Variants in ATP11A observed in about 807,000 individuals in gnomAD.
ATP11A encodes the protein ATPase phospholipid transporting 11A.
Under a neutral mutation model 154.4 loss-of-function variants are expected in ATP11A, and 81 were observed. The ratio of observed to expected loss-of-function variants is 0.52; its 90% CI spans 0.44 to 0.63. ATP11A has a LOEUF of 0.63. Among genes scored for constraint, ATP11A ranks in the 30% least tolerant of loss-of-function variants. ATP11A has a pLI of 0.00. For synonymous variants in ATP11A, 623 were observed against 585.9 expected, an observed-to-expected ratio of 1.06 and a Z score of -0.91; for missense variants, 1,316 against 1,474.3, an observed-to-expected ratio of 0.89 and a Z score of 1.76.
At position 112,785,307 on chromosome 13, in the gene ATP11A, C is replaced by T. The variant is rs986016196; in HGVS notation, c.162+50C>T. The T allele has an allele frequency of 7.2e-7, 1 of 1,380,762 alleles. No individual in the cohort carries two copies. The highest frequency in any genetic ancestry group is 9.5e-7 in the Non-Finnish European group (1 of 1,056,554). 85.5% of individuals were successfully genotyped at this position (1,380,762 alleles called of 1,614,324 possible). A position where few individuals can be genotyped will look rare whatever the true frequency, so the allele number is the denominator to read the frequency against. Reference sequence around the variant, plus strand: ...CCATAATGTGTCTAAAAAGCAGCTGCCGGGGGGTGTTAGTGCTTCTCGGTT... The same window carrying T: ...CCATAATGTGTCTAAAAAGCAGCTGTCGGGGGGTGTTAGTGCTTCTCGGTT... On this transcript the variant is annotated intron_variant, in intron 2 of 29. Coordinates refer to ENST00000375645, the MANE Select transcript of ATP11A (RefSeq NM_015205.3). The surrounding 1 kb of genome is among the most constrained non-coding windows in gnomAD (Gnocchi z 4.8).
chr13:112,864,708 A>G lies in ATP11A; in HGVS notation c.2991+2133A>G, dbSNP rs1301320159. On this transcript the variant is annotated intron_variant, in intron 25 of 29. Coordinates refer to ENST00000375645, the MANE Select transcript of ATP11A (RefSeq NM_015205.3). ...CAGCGGGGTCCATCACCACCTGCGC[A>G]GTAATTCAGTGCAGCACGTGCAGCT... is the stretch of plus-strand genomic sequence containing the variant. 3.0e-5 allele frequency among the ~76,000 whole-genome samples: 2 copies of G among 67,660 alleles called. 1 individual carries two copies. The highest frequency in any genetic ancestry group is 4.8e-5 in the Non-Finnish European group (2 of 41,478). 44.4% of individuals were successfully genotyped at this position (67,660 alleles called of 152,430 possible).
intron 1 of ATP11A, among the ~76,000 whole-genome samples, chr13:112,695,294 A>G (rs996363249): frequency 2.0e-5 from 3 of 152,228 alleles, no homozygotes; most frequent in Non-Finnish European, 2.9e-5. Context: ...TGTGGTGGCA[A>G]GCCTGCAGTA....
intron 25 of ATP11A, among the ~76,000 whole-genome samples, chr13:112,871,180 C>T (rs531336022): frequency 1.3e-5 from 2 of 152,282 alleles, no homozygotes; most frequent in African/African-American, 4.8e-5. Context: ...CAGAACGTTC[C>T]CGCCGCTGTT....
At chr13:112,839,192 T>C (rs1253851138) in intron 16 of ATP11A, among the ~76,000 whole-genome samples, 3 of 152,124 alleles carry the variant, frequency 2.0e-5, no homozygotes, top group African/African-American at 7.2e-5. Context: ...AAATCTCTCT[T>C]TTGGGGGATC....
intron 1 of ATP11A, among the ~76,000 whole-genome samples, chr13:112,712,003 C>G (rs182988824): frequency 6.6e-6 from 1 of 152,196 alleles, no homozygotes; most frequent in African/African-American, 2.4e-5. Flanking sequence ...TGGGTAGCAA[C>G]GTGCTGAACC....
rs1346617662 is a variant in ATP11A, at chr13:112,859,996, T to C, written c.2728-291T>C. 6.6e-6 allele frequency among the ~76,000 whole-genome samples: 1 copy of C among 152,092 alleles called. No individual in the cohort carries two copies. The highest frequency in any genetic ancestry group is 1.5e-5 in the Non-Finnish European group (1 of 68,016). On this transcript the variant is annotated intron_variant, in intron 23 of 29. Coordinates refer to ENST00000375645, the MANE Select transcript of ATP11A (RefSeq NM_015205.3). The surrounding 1 kb of genome is among the most constrained non-coding windows in gnomAD (Gnocchi z 4.3). ...GACTGCGACCAGAGTCACTGAAGCT[T>C]GAAGATGGCAATCAGAATTGCAAAT...
chr13:112,712,942 CAG>C (rs1887935984), intron 1 of ATP11A, among the ~76,000 whole-genome samples: 1 of 152,348 alleles, frequency 6.6e-6, no homozygotes, highest in South Asian at 2.1e-4. Flanking sequence ...TGCTGGAACT[CAG>C]TGTCTGAGGA....
intron 2 of ATP11A, among the ~76,000 whole-genome samples, chr13:112,787,361 C>T (rs1271741481): frequency 1.6e-5 from 2 of 126,816 alleles, no homozygotes; most frequent in East Asian, 2.4e-4. Flanking sequence ...TGTCCTGATG[C>T]GTAGACTCCT....
intron 24 of ATP11A, among the ~76,000 whole-genome samples, chr13:112,861,622 G>A (rs558060872): frequency 1.6e-4 from 24 of 152,364 alleles, no homozygotes; most frequent in African/African-American, 4.3e-4. Flanking sequence ...GCAGGAATCC[G>A]TGCATCGGCC....
chr13:112,733,527 G>A (rs941015579), intron 1 of ATP11A, among the ~76,000 whole-genome samples: 2 of 152,212 alleles, frequency 1.3e-5, no homozygotes, highest in South Asian at 4.1e-4. Flanking sequence ...TAAGAGTTGA[G>A]CTGTTGAGCC....
chr13:112,834,139 G>T (rs1373364395), intron 14 of ATP11A, among the ~76,000 whole-genome samples: 2 of 152,246 alleles, frequency 1.3e-5, no homozygotes, highest in Non-Finnish European at 2.9e-5. Flanking sequence ...GAAGGCCTGC[G>T]CTGGACCTTC....
At chr13:112,752,087 T>G (rs997980063) in intron 1 of ATP11A, among the ~76,000 whole-genome samples, 25 of 152,204 alleles carry the variant, frequency 1.6e-4, no homozygotes, top group African/African-American at 5.3e-4. Context: ...GGTCTAGTAT[T>G]GGTCATTCAT....
intron 25 of ATP11A, among the ~76,000 whole-genome samples, chr13:112,870,916 C>G (rs1053497188): frequency 1.3e-5 from 2 of 152,198 alleles, no homozygotes; most frequent in Non-Finnish European, 2.9e-5. Context: ...GCACGCGGTC[C>G]TCACGGGTGT....
intron 1 of ATP11A, among the ~76,000 whole-genome samples, chr13:112,705,404 C>T (rs567834161): frequency 2.9e-5 from 4 of 136,306 alleles, no homozygotes; most frequent in East Asian, 1.9e-4. Flanking sequence ...ATGTTCATCC[C>T]GCACGCACTG....
chr13:112,844,585 A>C (rs1191689047), intron 17 of ATP11A, among the ~76,000 whole-genome samples: 1 of 152,186 alleles, frequency 6.6e-6, no homozygotes, highest in Non-Finnish European at 1.5e-5. Flanking sequence ...CAGAATCACA[A>C]AAGGCGGCTG....
intron 1 of ATP11A, among the ~76,000 whole-genome samples, chr13:112,705,425 G>A (rs1266809672): frequency 7.3e-6 from 1 of 136,550 alleles, no homozygotes; most frequent in African/African-American, 3.7e-5. Flanking sequence ...AGCAGCTGCT[G>A]TATGCGCTGA....
In ATP11A at chr13:112,746,327, G is replaced by C. The variant is rs539788484; in HGVS notation, c.40-38808G>C. The C allele has an allele frequency of 2.0e-5, 3 of 152,134 alleles. No homozygotes were observed. Among genetic ancestry groups the C allele is most frequent in the Admixed American group, 2.0e-4 (3 of 15,278 alleles). 9.4% of individuals were successfully genotyped at this position (152,134 alleles called of 1,614,324 possible). Reference sequence around the variant, plus strand: ...AGTGCACAGGGCTCCGGTTCCCCACGTCCTCACCGGGTAACTGGGGTTCCG... The same window carrying C: ...AGTGCACAGGGCTCCGGTTCCCCACCTCCTCACCGGGTAACTGGGGTTCCG... On this transcript the variant is annotated intron_variant, in intron 1 of 29. Coordinates refer to ENST00000375645, the MANE Select transcript of ATP11A (RefSeq NM_015205.3). The surrounding 1 kb of genome is among the most constrained non-coding windows in gnomAD (Gnocchi z 4.1).
At chr13:112,823,284 C>G in intron 8 of ATP11A, 61 bp from the exon 9 acceptor site, 1 of 1,325,458 alleles carries the variant, frequency 7.5e-7, no homozygotes, top group East Asian at 2.3e-5. Flanking sequence ...CTGCCTCTTG[C>G]CCCCCGCCCT....
chr13:112,873,039 C>T (rs113070730), intron 26 of ATP11A, among the ~76,000 whole-genome samples: 865 of 40,190 alleles, frequency 0.022, 1 homozygote, highest in Middle Eastern at 0.052. Context: ...TCTTCTGGAG[C>T]GGTGTGAGGT....
Sources: gnomAD v4.1 joint callset for allele counts (sites outside exome capture counted in the v4.1 genomes callset) on GRCh38, gnomAD v4.1.1 for gene constraint, Gnocchi (gnomAD v3.1) non-coding constraint, MANE v1.5 for transcripts, NCBI Gene and HGNC (gene_info 2026-07-23, HGNC 2026-07-21) for gene names.